The following ZNF81 variants were observed in gnomAD, a reference collection of about 807,000 sequenced individuals.
ZNF81 encodes zinc finger protein 81.
A neutral mutation model predicts 32.3 loss-of-function variants in ZNF81; 5 were observed. The observed-to-expected ratio is 0.15, with a 90% CI of 0.08 to 0.33. The LOEUF (loss-of-function observed/expected upper bound fraction) is 0.33, where lower values mean the gene tolerates loss of function less well. Ranked by LOEUF, ZNF81 falls within the 10% of genes least tolerant of loss-of-function variation. The pLI, the probability that ZNF81 is intolerant of heterozygous loss-of-function variation, is 1.00. For synonymous variants in ZNF81, 163 were observed against 166.8 expected (o/e 0.98, Z 0.17); for missense variants, 379 against 479.8 (o/e 0.79, Z 1.96).
chrX:47,847,167 C>T (rs1036890586), intron 2 of ZNF81, among the ~76,000 whole-genome samples: 6 of 112,099 alleles, frequency 5.4e-5, no homozygotes, highest in Admixed American at 1.9e-4. Flanking sequence ...CACTGTTACA[C>T]GTACTCTACG....
chrX:47,863,397 C>T (rs1206054056), intron 2 of ZNF81, among the ~76,000 whole-genome samples: 2 of 111,988 alleles, frequency 1.8e-5, no homozygotes, highest in Non-Finnish European at 3.8e-5. Context: ...GTCAGGTCTG[C>T]TGGATTGTGA....
chrX:47,911,107 A>C (rs2058737911), intron 4 of ZNF81, among the ~76,000 whole-genome samples: 1 of 111,407 alleles, frequency 9.0e-6, no homozygotes, highest in African/African-American at 3.3e-5. Flanking sequence ...AGCTTCATGA[A>C]GTAGTCTTAC....
In ZNF81 at chrX:47,846,315, C is replaced by T. The variant is rs782077493; in HGVS notation, c.48C>T (p.Ala16=). Residue 16 remains alanine, a synonymous_variant, in exon 2 of 5, where the codon GCC becomes GCT. Transcript: ENST00000338637. The part of the protein sequence containing the change: ...DAPQPGEHGS[A]CEVSVSFEDV... The stretch of plus-strand genomic sequence containing the variant: ...CCCAGCCAGGGGAACATGGCAGTGC[C>T]TGTGAGGTGAGGAGGAGGAAGAGGT... The T allele has an allele frequency of 1.7e-6, 2 of 1,208,963 alleles. No individual in the cohort carries two copies. The highest frequency in any genetic ancestry group is 3.6e-5 in the South Asian group (2 of 56,138).
rs782805277 is a variant in ZNF81, at chrX:47,863,450, A to C, written c.54+17129A>C. On this transcript the variant is annotated intron_variant, in intron 2 of 4. Transcript: ENST00000338637. ...CGAGACTGGCTGCAGTGTGGCACTAAGACTCTGGGCAGGCTGTATCCCCAA... is the reference window on the plus strand; with the variant it reads ...CGAGACTGGCTGCAGTGTGGCACTACGACTCTGGGCAGGCTGTATCCCCAA... Among the ~76,000 whole-genome samples the C allele has an allele frequency of 4.9e-3, 555 of 112,291 alleles. 3 individuals carry two copies. Among genetic ancestry groups the C allele is most frequent in the African/African-American group, 0.017 (539 of 30,907 alleles).
intron 4 of ZNF81, among the ~76,000 whole-genome samples, chrX:47,904,296 T>C (rs1325673018): frequency 9.4e-6 from 1 of 106,536 alleles, no homozygotes; most frequent in Non-Finnish European, 1.9e-5. Flanking sequence ...TGGGAGAAAA[T>C]TTTTGCAACC....
rs1345386001 is a variant in ZNF81 at position 47,923,439 on chromosome X, A to G, written c.*6807A>G. ...ATGAGAAGGAGCAGCCAGAGAGGTA[A>G]AAACATACCAGGTGAGCAAGGGGCT... On this transcript the variant is annotated 3_prime_UTR_variant, in exon 5 of 5. Transcript: ENST00000338637. Among the ~76,000 whole-genome samples, 1 of 111,927 alleles carries G rather than the reference A, an allele frequency of 8.9e-6. No homozygotes were observed. The highest frequency in any genetic ancestry group is 1.9e-5 in the Non-Finnish European group (1 of 53,158).
Position 47,914,873 on chromosome X carries a change from C to T in ZNF81, c.278-51C>T, listed in dbSNP as rs782320704. 21 of 1,123,799 alleles carry T rather than the reference C, an allele frequency of 1.9e-5. No individual in the cohort carries two copies. In the East Asian group the frequency reaches 6.1e-4, roughly 33 times the overall value. 92.6% of individuals were successfully genotyped at this position (1,123,799 alleles called of 1,213,427 possible). ...TATTAGCTTATGTGTACCTTTTAAT[C>T]TCTTGCGGTCTATTGTTTGTGTCAA... On this transcript the variant is annotated intron_variant, in intron 4 of 4. Transcript: ENST00000338637.
intron 2 of ZNF81, among the ~76,000 whole-genome samples, chrX:47,876,353 G>A (rs2058599529): frequency 8.9e-6 from 1 of 112,321 alleles, no homozygotes; most frequent in Admixed American, 9.4e-5. Flanking sequence ...ATAGGCTAGG[G>A]GTTCTCCAAA....
In ZNF81 at chrX:47,917,356, T is replaced by C. The variant is rs1410335694; in HGVS notation, c.*724T>C. ...CATAGTATCTTGTTTTCTTTCATTGTGGTACAATGCAAAGTAGCCACAGAT... is the reference window on the plus strand; with the variant it reads ...CATAGTATCTTGTTTTCTTTCATTGCGGTACAATGCAAAGTAGCCACAGAT... On this transcript the variant is annotated 3_prime_UTR_variant, in exon 5 of 5. Coordinates refer to ENST00000338637, the MANE Select transcript of ZNF81 (RefSeq NM_007137.5). The C allele has an allele frequency of 3.7e-5, 11 of 295,173 alleles. No homozygotes were observed. The East Asian group carries it at 5.2e-4, about 14-fold the overall frequency. 24.3% of individuals were successfully genotyped at this position (295,173 alleles called of 1,213,427 possible). A position where few individuals can be genotyped will look rare whatever the true frequency, so the allele number is the denominator to read the frequency against.
chrX:47,846,045 A>G (rs1262289589), intron 1 of ZNF81, 60 bp from the exon 2 acceptor site: 5 of 489,108 alleles, frequency 1.0e-5, no homozygotes, highest in South Asian at 7.6e-5. Context: ...TGGTTCCCCC[A>G]GGAGATGTCT....
rs5906492 is a variant in ZNF81, at chrX:47,855,199, C to A, written c.54+8878C>A. ...ATTAATTAAATAAAAATAAAAAAAC[C>A]CCCAAATCTTCCACCTTAAAAAAAA... On this transcript the variant is annotated intron_variant, in intron 2 of 4. Coordinates refer to ENST00000338637, the MANE Select transcript of ZNF81 (RefSeq NM_007137.5). Among the ~76,000 whole-genome samples, 20 of 104,447 alleles carry A rather than the reference C, an allele frequency of 1.9e-4. No individual in the cohort carries two copies. The South Asian group carries it at 2.1e-3, about 11-fold the overall frequency. The allele number at this position is 104,447 out of a possible 115,157, so 90.7% of individuals were successfully genotyped here.
At chrX:47,894,311 G>C (rs1177398820) in intron 3 of ZNF81, among the ~76,000 whole-genome samples, 1 of 111,323 alleles carries the variant, frequency 9.0e-6, no homozygotes, top group African/African-American at 3.3e-5. Context: ...AATTTGATCA[G>C]ATATCAAGGG....
intron 2 of ZNF81, among the ~76,000 whole-genome samples, chrX:47,884,408 A>G (rs782206720): frequency 3.6e-5 from 4 of 109,620 alleles, no homozygotes; most frequent in Non-Finnish European, 7.6e-5. Context: ...TGTGGCTTAC[A>G]TGGGTCCTCT....
intron 2 of ZNF81, among the ~76,000 whole-genome samples, chrX:47,865,231 T>G (rs1556883093): frequency 1.8e-5 from 2 of 111,960 alleles, no homozygotes; most frequent in African/African-American, 6.5e-5. Flanking sequence ...GTTATACTCT[T>G]GAATATACTA....
rs781855050 is a variant in ZNF81, at chrX:47,849,439, G to A, written c.54+3118G>A. Among the ~76,000 whole-genome samples the A allele has an allele frequency of 1.8e-4, 20 of 111,436 alleles. No individual in the cohort carries two copies. The South Asian group carries it at 7.1e-3, about 39-fold the overall frequency. On this transcript the variant is annotated intron_variant, in intron 2 of 4. Transcript: ENST00000338637. ...TCCCAGCACTTCAGGAGGCTGAGGCGGGTGGATCACCTGAGGTCAGTCAGG... is the reference window on the plus strand; with the variant it reads ...TCCCAGCACTTCAGGAGGCTGAGGCAGGTGGATCACCTGAGGTCAGTCAGG...
chrX:47,908,121 G>A (rs2058727210), intron 4 of ZNF81, among the ~76,000 whole-genome samples: 2 of 111,222 alleles, frequency 1.8e-5, no homozygotes, highest in African/African-American at 6.5e-5. Context: ...GAAGCCACAA[G>A]CTGGGAGAAG....
In ZNF81 at chrX:47,917,256, A is replaced by G. The variant is rs1257112676; in HGVS notation, c.*624A>G. ...AATTTAAAAGTCACTTTGGTTTTAT[A>G]TATACACACATCTGCAGATATAATT... On this transcript the variant is annotated 3_prime_UTR_variant, in exon 5 of 5. Transcript: ENST00000338637. 2 of 295,802 alleles carry G rather than the reference A, an allele frequency of 6.8e-6. No individual in the cohort carries two copies. Among genetic ancestry groups the G allele is most frequent in the Non-Finnish European group, 1.2e-5 (2 of 169,875 alleles). The allele number at this position is 295,802 out of a possible 1,213,427, so 24.4% of individuals were successfully genotyped here.
rs1556881143 is a variant in ZNF81, at chrX:47,850,920, CACACACACACACACAA to C, written c.54+4600_54+4615del. Among the ~76,000 whole-genome samples, 89 of 98,058 alleles carry C rather than the reference CACACACACACACACAA, an allele frequency of 9.1e-4. 2 individuals are homozygous for C. The highest frequency in any genetic ancestry group is 3.1e-3 in the East Asian group (9 of 2,901). The allele number at this position is 98,058 out of a possible 115,157, so 85.2% of individuals were successfully genotyped here. On this transcript the variant is annotated intron_variant, in intron 2 of 4. Transcript: ENST00000338637. The stretch of plus-strand genomic sequence containing the variant: ...ACACACACACACACACACACACACA[CACACACACACACACAA>C]CCCAACACCCCTATATCCATTTTTA...
intron 1 of ZNF81, among the ~76,000 whole-genome samples, chrX:47,837,849 A>G (rs1209075065): frequency 8.9e-6 from 1 of 111,912 alleles, no homozygotes; most frequent in Non-Finnish European, 1.9e-5. Flanking sequence ...ATTTTAGAAA[A>G]TCTTGTCTCT....
Sources: allele counts gnomAD v4.1 joint callset (sites outside exome capture counted in the v4.1 genomes callset), GRCh38; gene constraint gnomAD v4.1.1; transcripts MANE v1.5; gene names NCBI Gene and HGNC (gene_info 2026-07-23, HGNC 2026-07-21).